RC3H2: variants seen among roughly 807,000 people sequenced by gnomAD.
RC3H2 encodes roquin-2.
Under a neutral mutation model 133.3 loss-of-function variants are expected in RC3H2, and 31 were observed. The observed-to-expected ratio is 0.23, with a 90% CI of 0.17 to 0.31. RC3H2 has a LOEUF of 0.31. RC3H2 is among the 10% of genes least tolerant of loss of function. RC3H2 has a pLI of 1.00. For synonymous variants in RC3H2, 517 were observed against 502.2 expected (o/e 1.03, Z -0.40); for missense variants, 1,175 against 1,437.2 (o/e 0.82, Z 2.95).
rs1829920934 is a variant in RC3H2 at position 122,848,808 on chromosome 9, T to C, written c.*819A>G. On this transcript the variant is annotated 3_prime_UTR_variant, in exon 21 of 21. Coordinates refer to ENST00000357244, the MANE Select transcript of RC3H2 (RefSeq NM_001100588.3). ...GCATTTTAAAAAACTGCCATTACAT[T>C]AGTGCATAATTTATCAAAATTGTAA... The C allele has an allele frequency of 6.6e-6, 1 of 152,200 alleles. No individual in the cohort carries two copies. Among genetic ancestry groups the C allele is most frequent in the Non-Finnish European group, 1.5e-5 (1 of 68,024 alleles). The allele number at this position is 152,200 out of a possible 1,614,324, so 9.4% of individuals were successfully genotyped here.
Position 122,884,739 on chromosome 9 carries a change from G to A in RC3H2, c.584-1360C>T, listed in dbSNP as rs150307232. On this transcript the variant is annotated intron_variant, in intron 4 of 20. Transcript: ENST00000357244. ...ATGGTGGCGTGCATCTGTAGTCACA[G>A]CTACTCAGAAGGCTGAGGCAGGAGA... Among the ~76,000 whole-genome samples, 1,401 of 151,936 alleles carry A rather than the reference G, an allele frequency of 9.2e-3. 25 individuals are homozygous for A. The highest frequency in any genetic ancestry group is 0.032 in the African/African-American group (1,332 of 41,412).
At chr9:122,886,352 G>A (rs1009374951) in intron 4 of RC3H2, among the ~76,000 whole-genome samples, 13 of 152,076 alleles carry the variant, frequency 8.5e-5, no homozygotes, top group African/African-American at 3.1e-4. Context: ...TGTGAATAAC[G>A]CTGCAATAAA....
At chr9:122,867,643 T>G (rs1317714420) in intron 9 of RC3H2, among the ~76,000 whole-genome samples, 8 of 97,084 alleles carry the variant, frequency 8.2e-5, no homozygotes, top group African/African-American at 2.8e-4. Flanking sequence ...GGCCACCCAT[T>G]GTCTGAGATG....
In RC3H2 at chr9:122,865,564, G is replaced by C. The variant is rs554746319; in HGVS notation, c.1419C>G (p.Ala473=). ...VGVNNTVTTT[A]GNVISVIGST... ...TTCCTATGACAGAAATGACATTTCC[G>C]GCTGTGGTTGTGACAGTGTTGTTTA... The change falls in exon 10 of 21, where the codon GCC becomes GCG. Residue 473 remains alanine, a synonymous_variant. Coordinates refer to ENST00000357244, the MANE Select transcript of RC3H2 (RefSeq NM_001100588.3). 2 of 1,613,940 alleles carry C rather than the reference G, an allele frequency of 1.2e-6. No individual in the cohort carries two copies. The highest frequency in any genetic ancestry group is 1.7e-5 in the Admixed American group (1 of 60,004).
chr9:122,857,414 AG>A (rs1464550522), intron 13 of RC3H2, among the ~76,000 whole-genome samples: 1 of 152,226 alleles, frequency 6.6e-6, no homozygotes, highest in Non-Finnish European at 1.5e-5. Context: ...ATAATACTGT[AG>A]GTATTTCTGC....
intron 1 of RC3H2, among the ~76,000 whole-genome samples, chr9:122,901,644 T>A (rs565446535): frequency 6.8e-6 from 1 of 147,604 alleles, no homozygotes; most frequent in Non-Finnish European, 1.5e-5. Flanking sequence ...TAGGCTGGAG[T>A]GCGGTGGTGC....
chr9:122,853,738 T>C, intron 18 of RC3H2: 1 of 1,296,598 alleles, frequency 7.7e-7, no homozygotes, highest in Non-Finnish European at 1.0e-6. Flanking sequence ...TAGAGCAAGA[T>C]TCCATCTCAA....
At chr9:122,904,967 G>T in intron 1 of RC3H2, 143 bp downstream of exon 1, 1 of 478,320 alleles carries the variant, frequency 2.1e-6, no homozygotes, top group Non-Finnish European at 2.7e-6. Context: ...CGAGTGTCAG[G>T]TGCGGCCCTC....
chr9:122,875,039 G>C, intron 9 of RC3H2: 1 of 936,472 alleles, frequency 1.1e-6, no homozygotes, highest in Non-Finnish European at 1.4e-6. Flanking sequence ...TCCCCTTTTA[G>C]CTAAAAAGCT....
At chr9:122,872,757 G>A (rs1354485467) in intron 9 of RC3H2, among the ~76,000 whole-genome samples, 1 of 152,082 alleles carries the variant, frequency 6.6e-6, no homozygotes. Context: ...GCTAATTTTT[G>A]TATTGTTAGT....
chr9:122,879,136 C>T (rs1011975920), intron 8 of RC3H2, among the ~76,000 whole-genome samples: 9 of 151,242 alleles, frequency 6.0e-5, no homozygotes, highest in African/African-American at 2.2e-4. Flanking sequence ...TGGCTCACGC[C>T]TGTAATCCCA....
intron 3 of RC3H2, among the ~76,000 whole-genome samples, chr9:122,891,270 G>A (rs556330546): frequency 1.2e-4 from 18 of 152,110 alleles, no homozygotes; most frequent in African/African-American, 4.3e-4. Context: ...TGATCTGCCC[G>A]CCTCGGCCTC....
chr9:122,875,473 T>C lies in RC3H2; in HGVS notation c.1325+1998A>G, dbSNP rs969938790. On this transcript the variant is annotated intron_variant, in intron 9 of 20. Coordinates refer to ENST00000357244, the MANE Select transcript of RC3H2 (RefSeq NM_001100588.3). ...AGCCATGCCCAATTTATGCATTGTC[T>C]GTGGCTGTTTTTTTGCTACAGTGGC... 1.1e-5 allele frequency: 15 copies of C among 1,390,144 alleles called. No individual in the cohort carries two copies. The Admixed American group carries it at 1.4e-4, about 13-fold the overall frequency. The allele number at this position is 1,390,144 out of a possible 1,614,324, so 86.1% of individuals were successfully genotyped here.
At chr9:122,880,417 T>C in intron 6 of RC3H2, 177 bp downstream of exon 6, 1 of 673,942 alleles carries the variant, frequency 1.5e-6, no homozygotes, top group Non-Finnish European at 2.5e-6. Context: ...TGTTTCCCTG[T>C]TGCATCCCTT....
intron 18 of RC3H2, among the ~76,000 whole-genome samples, chr9:122,852,298 C>T (rs1830063007): frequency 6.6e-6 from 1 of 150,796 alleles, no homozygotes; most frequent in Admixed American, 6.6e-5. Flanking sequence ...CCTCTCCGCC[C>T]GGCAGCCGCC....
rs771454429 is a variant in RC3H2 at position 122,897,369 on chromosome 9, T to C, written c.141A>G (p.Arg47=). 1 of 1,614,222 alleles carries C rather than the reference T, an allele frequency of 6.2e-7. No homozygotes were observed. ...CAGTCTGGTCAAAAGGACAAGCTTT[T>C]CGATGAAGTTTATTCAAGCAGGTCT... ...VCKTCLNKLH[R]KACPFDQTAI... is the part of the protein sequence containing the mutation. Residue 47 remains arginine (R), a synonymous_variant, in exon 2 of 21, where the codon CGA becomes CGG. Coordinates refer to ENST00000357244, the MANE Select transcript of RC3H2 (RefSeq NM_001100588.3).
rs1830611619 is a variant in RC3H2, at chr9:122,865,544, A to G, written c.1439T>C (p.Ile480Thr). Residue 480 changes from isoleucine to threonine, a missense_variant, in exon 10 of 21, where the codon ATA (isoleucine) becomes ACA (threonine). By Grantham distance (89) the Ile-to-Thr change is moderately conservative. Around this residue, in one of 8 missense-constraint regions of RC3H2, gnomAD observed 490 missense variants for 492.8 expected, o/e 0.99. Coordinates refer to ENST00000357244, the MANE Select transcript of RC3H2 (RefSeq NM_001100588.3). Reference protein sequence around the residue: ...TTTAGNVISVIGSTETTGKIV... With the variant: ...TTTAGNVISVTGSTETTGKIV... ...TTTCCCTGTTGTTTCAGTACTTCCT[A>G]TGACAGAAATGACATTTCCGGCTGT... 2.5e-6 allele frequency: 4 copies of G among 1,614,040 alleles called. No individual in the cohort carries two copies. Among genetic ancestry groups the G allele is most frequent in the East Asian group, 2.2e-5 (1 of 44,890 alleles).
At chr9:122,850,890 T>G (rs1829995158) in intron 20 of RC3H2, among the ~76,000 whole-genome samples, 191 bp downstream of exon 20, 1 of 152,212 alleles carries the variant, frequency 6.6e-6, no homozygotes, top group African/African-American at 2.4e-5. Flanking sequence ...AAAAAGCAAG[T>G]TTCAGGCTAC....
At chr9:122,868,129 C>T (rs1045551617) in intron 9 of RC3H2, among the ~76,000 whole-genome samples, 17 of 148,718 alleles carry the variant, frequency 1.1e-4, no homozygotes, top group African/African-American at 2.7e-4. Flanking sequence ...GGGGTGTCAG[C>T]CCCCCGCCCG....
Sources: allele counts gnomAD v4.1 joint callset (sites outside exome capture counted in the v4.1 genomes callset), GRCh38; gene constraint gnomAD v4.1.1; regional missense constraint gnomAD v4.1.1; transcripts MANE v1.5; gene names NCBI Gene and HGNC (gene_info 2026-07-23, HGNC 2026-07-21).